Variants in NAV2 observed in about 807,000 individuals in gnomAD.
The protein encoded by NAV2 is neuron navigator 2, also known as helicase, APC down-regulated 1.
A neutral mutation model predicts 223.2 loss-of-function variants in NAV2; 54 were observed. That is an observed-to-expected ratio of 0.24 (90% CI 0.19 to 0.30). NAV2 has a LOEUF of 0.30. Ranked by LOEUF, NAV2 falls within the 10% of genes least tolerant of loss-of-function variation. The pLI, the probability that NAV2 is intolerant of heterozygous loss-of-function variation, is 1.00. For missense variants in NAV2, 2,806 were observed against 3,147.5 expected (o/e 0.89, Z 2.60); for synonymous variants, 1,279 against 1,239.3 (o/e 1.03, Z -0.67).
intron 1 of NAV2, among the ~76,000 whole-genome samples, chr11:19,627,912 C>CAAA (rs72074806): frequency 8.4e-6 from 1 of 119,564 alleles, no homozygotes; most frequent in African/African-American, 3.0e-5. Flanking sequence ...TCCTTGTTTT[C>CAAA]AAAAAAAAAA....
In NAV2 at chr11:20,097,610, C is replaced by A. The variant is rs1293239032; in HGVS notation, c.6046C>A (p.Leu2016Ile). The change falls in exon 31 of 38, where the codon CTA becomes ATA. Residue 2016 changes from leucine (L) to isoleucine (I), a missense_variant. Leu to Ile is a conservative substitution (Grantham distance 5). This residue lies in a region of NAV2 where 824 missense variants were observed against 1,069.4 expected (regional missense o/e 0.77). Transcript: ENST00000349880. The stretch of plus-strand genomic sequence containing the variant: ...CATTCATGTCGACCCAGTGAGTCAG[C>A]TAGGGCTGAATTCAGACAGCGTTCT... The part of the protein sequence containing the change: ...YIIHVDPVSQ[L>I]GLNSDSVLGY... The A allele has an allele frequency of 6.2e-7, 1 of 1,610,534 alleles. No homozygotes were observed.
chr11:19,399,492 G>T (rs1849596863), intron 1 of NAV2, among the ~76,000 whole-genome samples: 1 of 152,200 alleles, frequency 6.6e-6, no homozygotes, highest in Admixed American at 6.5e-5. Flanking sequence ...GCCCAGTGTA[G>T]GTGGACAGGG....
At chr11:19,593,593 T>A (rs1477004598) in intron 1 of NAV2, among the ~76,000 whole-genome samples, 3 of 152,224 alleles carry the variant, frequency 2.0e-5, no homozygotes, top group Non-Finnish European at 4.4e-5. Flanking sequence ...GGTTAGTATA[T>A]GTTTAGTGTT....
intron 1 of NAV2, among the ~76,000 whole-genome samples, chr11:19,484,497 G>A (rs976859873): frequency 2.0e-5 from 3 of 152,232 alleles, no homozygotes; most frequent in African/African-American, 7.2e-5. Flanking sequence ...GGACACTTTG[G>A]CTCTTGACAC....
At chr11:19,946,370 A>C in intron 8 of NAV2, 31 bp from the exon 9 acceptor site, 1 of 1,586,236 alleles carries the variant, frequency 6.3e-7, no homozygotes, top group Non-Finnish European at 8.6e-7. Flanking sequence ...TGGTCAGAGA[A>C]TTAAACTAGT....
rs542588325 is a variant in NAV2, at chr11:19,919,721, A to T, written c.932-13455A>T. ...AGCCCAATATTAGTAGAGAAGAATA[A>T]GAATTAATCTCAGGATTTTGCAGTT... is the stretch of plus-strand genomic sequence containing the variant. On this transcript the variant is annotated intron_variant, in intron 6 of 37. Coordinates refer to ENST00000349880, the MANE Select transcript of NAV2 (RefSeq NM_145117.5). Among the ~76,000 whole-genome samples, 9 of 152,356 alleles carry T rather than the reference A, an allele frequency of 5.9e-5. No individual in the cohort carries two copies. The East Asian group carries it at 1.7e-3, about 29-fold the overall frequency.
chr11:19,492,894 T>G (rs1281230548), intron 1 of NAV2, among the ~76,000 whole-genome samples: 1 of 152,192 alleles, frequency 6.6e-6, no homozygotes, highest in Admixed American at 6.5e-5. Flanking sequence ...ACATCCTAAG[T>G]CAGTGGCTTA....
chr11:19,420,453 A>T (rs957424612), intron 1 of NAV2, among the ~76,000 whole-genome samples: 1 of 152,228 alleles, frequency 6.6e-6, no homozygotes, highest in Non-Finnish European at 1.5e-5. Context: ...AATGAAGGCA[A>T]AAGTAATCTG....
At chr11:19,651,122 C>T (rs1565138039) in intron 1 of NAV2, among the ~76,000 whole-genome samples, 2 of 152,152 alleles carry the variant, frequency 1.3e-5, no homozygotes, top group African/African-American at 4.8e-5. Context: ...TCATCTGAGT[C>T]TCCGTTCAAG....
chr11:19,542,338 A>C (rs958959369), intron 1 of NAV2, among the ~76,000 whole-genome samples: 16 of 152,234 alleles, frequency 1.1e-4, no homozygotes, highest in African/African-American at 3.9e-4. Context: ...AGATACTATA[A>C]TACGATTATC....
intron 1 of NAV2, among the ~76,000 whole-genome samples, chr11:19,406,603 C>T (rs557413976): frequency 9.9e-5 from 15 of 152,150 alleles, no homozygotes; most frequent in African/African-American, 2.2e-4. Context: ...GAGATGGGCT[C>T]ATGTCCCCGG....
At chr11:19,757,340 G>A (rs77176998) in intron 1 of NAV2, among the ~76,000 whole-genome samples, 17 of 152,148 alleles carry the variant, frequency 1.1e-4, no homozygotes, top group Admixed American at 1.0e-3. Context: ...TTTTTAGCAG[G>A]AGTACTCAAG....
At position 20,005,919 on chromosome 11, in the gene NAV2, A is replaced by G. The variant is rs183992737; in HGVS notation, c.2768+21672A>G. On this transcript the variant is annotated intron_variant, in intron 11 of 37. Transcript: ENST00000349880. ...CACTTTACCTAAATTGACTCATTTA[A>G]TCCTCATGACAACTCAGTGAGATTT... Among the ~76,000 whole-genome samples the G allele has an allele frequency of 8.7e-4, 133 of 152,318 alleles. 1 individual carries two copies. Among genetic ancestry groups the G allele is most frequent in the African/African-American group, 3.1e-3 (128 of 41,574 alleles).
intron 10 of NAV2, among the ~76,000 whole-genome samples, chr11:19,955,790 T>C (rs1338834746): frequency 6.6e-6 from 1 of 152,158 alleles, no homozygotes; most frequent in Non-Finnish European, 1.5e-5. Context: ...GGTGAATATG[T>C]CCAGACCAGA....
At chr11:19,691,574 T>C (rs1466537454) in intron 1 of NAV2, among the ~76,000 whole-genome samples, 1 of 152,134 alleles carries the variant, frequency 6.6e-6, no homozygotes, top group African/African-American at 2.4e-5. Context: ...TTTATTTATT[T>C]ATTTATTTTT....
At chr11:19,994,085 T>A (rs1443124732) in intron 11 of NAV2, among the ~76,000 whole-genome samples, 1 of 152,238 alleles carries the variant, frequency 6.6e-6, no homozygotes, top group Non-Finnish European at 1.5e-5. Flanking sequence ...GGTCCTATAC[T>A]GGGAACTTGC....
intron 1 of NAV2, among the ~76,000 whole-genome samples, chr11:19,578,547 G>T (rs1565067494): frequency 6.6e-6 from 1 of 152,150 alleles, no homozygotes; most frequent in Admixed American, 6.5e-5. Context: ...CCTGCTCTGT[G>T]GTGACATTGT....
At chr11:19,673,571 C>G (rs575675102) in intron 1 of NAV2, among the ~76,000 whole-genome samples, 1 of 152,326 alleles carries the variant, frequency 6.6e-6, no homozygotes, top group Admixed American at 6.5e-5. Context: ...ATAATTTTCT[C>G]AAATTGAGGT....
intron 1 of NAV2, among the ~76,000 whole-genome samples, chr11:19,831,375 T>C (rs994651417): frequency 1.3e-5 from 2 of 151,910 alleles, no homozygotes; most frequent in Admixed American, 6.6e-5. Context: ...GGCCTACTGG[T>C]TGAGGTAGAA....
Sources: gnomAD v4.1 joint callset for allele counts (sites outside exome capture counted in the v4.1 genomes callset) on GRCh38, gnomAD v4.1.1 for gene constraint, gnomAD v4.1.1 regional missense constraint, MANE v1.5 for transcripts, NCBI Gene and HGNC (gene_info 2026-07-23, HGNC 2026-07-21) for gene names.